The following CHD6 variants were observed in gnomAD, a reference collection of about 807,000 sequenced individuals.
The protein encoded by CHD6 is chromodomain helicase DNA binding protein 6, also known as ATP-dependent chromatin remodeler CHD6.
A neutral mutation model predicts 276.9 loss-of-function variants in CHD6; 50 were observed. That is an observed-to-expected ratio of 0.18 (90% confidence interval 0.14 to 0.23). The LOEUF (loss-of-function observed/expected upper bound fraction) is 0.23, where lower values mean the gene tolerates loss of function less well. CHD6 is among the 10% of genes least tolerant of loss of function. CHD6 has a pLI of 1.00. For synonymous variants in CHD6, 1,173 were observed against 1,229.3 expected (o/e 0.95, Z 0.96); for missense variants, 2,564 against 3,365.8 (o/e 0.76, Z 5.89).
intron 6 of CHD6, among the ~76,000 whole-genome samples, chr20:41,499,042 T>C (rs914057283): frequency 6.6e-6 from 1 of 152,018 alleles, no homozygotes; most frequent in African/African-American, 2.4e-5. Context: ...CTACAGCAAC[T>C]AAGGGATATA....
chr20:41,496,950 A>G (rs1259883275), intron 8 of CHD6: 1 of 181,054 alleles, frequency 5.5e-6, no homozygotes, highest in Admixed American at 5.4e-5. Flanking sequence ...TATAGGTACA[A>G]TACTTAGAAA....
At chr20:41,603,071 T>C (rs1449659333) in intron 1 of CHD6, among the ~76,000 whole-genome samples, 2 of 152,084 alleles carry the variant, frequency 1.3e-5, no homozygotes, top group Non-Finnish European at 2.9e-5. Flanking sequence ...ATTTGAATTA[T>C]GCTGGGCATG....
chr20:41,618,291 G>C (rs1415661488), intron 1 of CHD6, 49 bp downstream of exon 1: 2 of 151,930 alleles, frequency 1.3e-5, no homozygotes, highest in African/African-American at 4.8e-5. Context: ...GGACAAGGCC[G>C]GTCCGCCGAG....
chr20:41,410,175 T>A (rs935060082), intron 36 of CHD6, among the ~76,000 whole-genome samples: 1 of 152,188 alleles, frequency 6.6e-6, no homozygotes, highest in Non-Finnish European at 1.5e-5. Flanking sequence ...CAAATTACTA[T>A]GCTGATATCC....
Position 41,403,207 on chromosome 20 carries a change from T to G in CHD6, c.*1386A>C, listed in dbSNP as rs745328611. On this transcript the variant is annotated 3_prime_UTR_variant, in exon 37 of 37. Coordinates refer to ENST00000373233, the MANE Select transcript of CHD6 (RefSeq NM_032221.5). ...TACAGTAAATTGTGACAACAAAAAG[T>G]GAAACTGGTACTAGTAACACTTGCA... The G allele has an allele frequency of 2.0e-6, 2 of 990,170 alleles. No individual in the cohort carries two copies. The highest frequency in any genetic ancestry group is 1.1e-4 in the East Asian group (2 of 18,986). 61.3% of individuals were successfully genotyped at this position (990,170 alleles called of 1,614,324 possible). A position where few individuals can be genotyped will look rare whatever the true frequency, so the allele number is the denominator to read the frequency against.
intron 11 of CHD6, among the ~76,000 whole-genome samples, chr20:41,491,315 T>C (rs1308674020): frequency 6.7e-6 from 1 of 148,484 alleles, no homozygotes; most frequent in Non-Finnish European, 1.5e-5. Context: ...TATATATATA[T>C]ATTCCTATAA....
intron 3 of CHD6, among the ~76,000 whole-genome samples, chr20:41,531,361 G>T (rs1017019276): frequency 2.0e-5 from 3 of 152,018 alleles, no homozygotes; most frequent in African/African-American, 7.2e-5. Context: ...AAAAAAAGTT[G>T]CCACACTAGC....
chr20:41,569,826 G>A (rs2045397937), intron 1 of CHD6, among the ~76,000 whole-genome samples: 1 of 152,114 alleles, frequency 6.6e-6, no homozygotes, highest in Non-Finnish European at 1.5e-5. Context: ...GTATATGGGA[G>A]GATGTGAGTA....
chr20:41,455,278 T>C (rs937996759), intron 19 of CHD6, among the ~76,000 whole-genome samples: 5 of 152,240 alleles, frequency 3.3e-5, no homozygotes, highest in African/African-American at 4.8e-5. Context: ...GCAGTGGTTG[T>C]GGCTAGGGAA....
chr20:41,543,137 ATAGT>A (rs1436685010), intron 2 of CHD6, among the ~76,000 whole-genome samples: 1 of 151,962 alleles, frequency 6.6e-6, no homozygotes, highest in African/African-American at 2.4e-5. Context: ...AATAATAATA[ATAGT>A]TAATTTTACT....
At chr20:41,415,732 T>C (rs2046976317) in intron 33 of CHD6, 94 bp from the exon 34 acceptor site, 11 of 923,772 alleles carry the variant, frequency 1.2e-5, no homozygotes, top group Non-Finnish European at 1.8e-5. Flanking sequence ...AGGCCTCATA[T>C]TGTTTCCAAT....
rs773985434 is a variant in CHD6, at chr20:41,423,481, A to G, written c.4555+11T>C. The G allele has an allele frequency of 6.2e-7, 1 of 1,610,764 alleles. No individual in the cohort carries two copies. Among genetic ancestry groups the G allele is most frequent in the Non-Finnish European group, 8.5e-7 (1 of 1,176,916 alleles). ...TTGTATCATCTGACAATATACTGATAGTTTTCTCACCGCCATCTTTCCATG... is the reference window on the plus strand; with the variant it reads ...TTGTATCATCTGACAATATACTGATGGTTTTCTCACCGCCATCTTTCCATG... On this transcript the variant is annotated intron_variant, in intron 30 of 36. Coordinates refer to ENST00000373233, the MANE Select transcript of CHD6 (RefSeq NM_032221.5).
chr20:41,502,849 T>C (rs1344663244), intron 5 of CHD6, among the ~76,000 whole-genome samples: 7 of 152,144 alleles, frequency 4.6e-5, no homozygotes, highest in Non-Finnish European at 7.4e-5. Context: ...CTACTAAAAA[T>C]ACAAAAATTA....
chr20:41,591,719 A>G (rs1388990162), intron 1 of CHD6, among the ~76,000 whole-genome samples: 1 of 152,058 alleles, frequency 6.6e-6, no homozygotes, highest in African/African-American at 2.4e-5. Context: ...GCCAGTAGAC[A>G]TGTCTAGAAA....
At position 41,404,480 on chromosome 20, in the gene CHD6, G is replaced by A. The variant is rs2046612511; in HGVS notation, c.*113C>T. On this transcript the variant is annotated 3_prime_UTR_variant, in exon 37 of 37. Transcript: ENST00000373233. ...AGTTCTCAGACAGGAAATCAGGTAC[G>A]TAATCTTACTTATGGAAACACAGGT... The A allele has an allele frequency of 4.3e-6, 6 of 1,391,354 alleles. No homozygotes were observed. Among genetic ancestry groups the A allele is most frequent in the Middle Eastern group, 2.7e-4 (1 of 3,656 alleles). 86.2% of individuals were successfully genotyped at this position (1,391,354 alleles called of 1,614,324 possible).
intron 2 of CHD6, among the ~76,000 whole-genome samples, chr20:41,536,597 A>G (rs2044836149): frequency 6.6e-6 from 1 of 152,244 alleles, no homozygotes; most frequent in Non-Finnish European, 1.5e-5. Flanking sequence ...CGTATCTGCT[A>G]CAGAATCTTC....
intron 23 of CHD6, among the ~76,000 whole-genome samples, chr20:41,448,886 C>G (rs968582501): frequency 6.6e-6 from 1 of 151,910 alleles, no homozygotes; most frequent in Non-Finnish European, 1.5e-5. Flanking sequence ...TCAATCAACT[C>G]AAATAATTCT....
At chr20:41,529,265 T>A (rs367792648) in intron 3 of CHD6, among the ~76,000 whole-genome samples, 1 of 152,246 alleles carries the variant, frequency 6.6e-6, no homozygotes, top group South Asian at 2.1e-4. Flanking sequence ...TCTATCCATT[T>A]ATTCTTGGTA....
chr20:41,402,152 G>T lies in CHD6; in HGVS notation c.*2441C>A. On this transcript the variant is annotated 3_prime_UTR_variant, in exon 37 of 37. Transcript: ENST00000373233. The stretch of plus-strand genomic sequence containing the variant: ...CCACAATTTATTATGTAAGACATGG[G>T]GTGAAGAATGGTCAAGGAAAGTTAT... The T allele has an allele frequency of 4.9e-6, 1 of 204,792 alleles. No homozygotes were observed. Among genetic ancestry groups the T allele is most frequent in the Non-Finnish European group, 1.0e-5 (1 of 100,028 alleles). The allele number at this position is 204,792 out of a possible 1,614,324, so 12.7% of individuals were successfully genotyped here.
Sources: gnomAD v4.1 joint callset for allele counts (sites outside exome capture counted in the v4.1 genomes callset) on GRCh38, gnomAD v4.1.1 for gene constraint, MANE v1.5 for transcripts, NCBI Gene and HGNC (gene_info 2026-07-23, HGNC 2026-07-21) for gene names.